AFAP1: variants seen among roughly 807,000 people sequenced by gnomAD.
The protein encoded by AFAP1 is actin filament-associated protein 1.
Under a neutral mutation model 93.9 loss-of-function variants are expected in AFAP1, and 75 were observed. The ratio of observed to expected loss-of-function variants is 0.80; its 90% CI spans 0.66 to 0.97. The LOEUF (loss-of-function observed/expected upper bound fraction) is 0.97. Ranked by LOEUF, AFAP1 falls within the 50% of genes least tolerant of loss-of-function variation. The pLI is 0.00. For synonymous variants in AFAP1, 517 were observed against 430.7 expected (o/e 1.20, Z -2.48); for missense variants, 1,201 against 1,050.8 (o/e 1.14, Z -1.98).
intron 6 of AFAP1, among the ~76,000 whole-genome samples, chr4:7,825,700 A>T (rs549452514): frequency 7.9e-5 from 12 of 152,338 alleles, no homozygotes; most frequent in Admixed American, 7.8e-4. Flanking sequence ...CAGCAAATTA[A>T]GCTAAAAAAA....
intron 4 of AFAP1, among the ~76,000 whole-genome samples, chr4:7,852,039 G>C (rs547551162): frequency 1.3e-5 from 2 of 152,298 alleles, no homozygotes; most frequent in Admixed American, 1.3e-4. Context: ...CCAGCACGCT[G>C]AAGTCACTTA....
At chr4:7,841,493 T>C (rs1713010326) in intron 5 of AFAP1, among the ~76,000 whole-genome samples, 1 of 152,150 alleles carries the variant, frequency 6.6e-6, no homozygotes, top group South Asian at 2.1e-4. Flanking sequence ...AGGAACAAGT[T>C]CCAGAAGGAG....
chr4:7,792,305 T>G (rs1717933153), intron 11 of AFAP1, among the ~76,000 whole-genome samples: 1 of 152,178 alleles, frequency 6.6e-6, no homozygotes, highest in Non-Finnish European at 1.5e-5. Context: ...GCATGACTTC[T>G]GCCGATCTTT....
At chr4:7,841,159 A>C (rs1168647587) in intron 5 of AFAP1, among the ~76,000 whole-genome samples, 1 of 152,208 alleles carries the variant, frequency 6.6e-6, no homozygotes, top group South Asian at 2.1e-4. Flanking sequence ...GGCGTCCTGA[A>C]GACAACACCA....
At chr4:7,775,480 C>T (rs190656174) in intron 14 of AFAP1, 2 of 152,690 alleles carry the variant, frequency 1.3e-5, no homozygotes, top group Non-Finnish European at 2.9e-5. Flanking sequence ...GCTTCCTTCT[C>T]TACGTCTTCA....
At chr4:7,824,713 A>G (rs2149081717) in intron 6 of AFAP1, among the ~76,000 whole-genome samples, 1 of 152,248 alleles carries the variant, frequency 6.6e-6, no homozygotes, top group South Asian at 2.1e-4. Flanking sequence ...ACGTGAATGG[A>G]GAGTGGAGAA....
At chr4:7,938,442 G>C (rs1457986348) in intron 1 of AFAP1, among the ~76,000 whole-genome samples, 1 of 152,132 alleles carries the variant, frequency 6.6e-6, no homozygotes, top group African/African-American at 2.4e-5. Flanking sequence ...TCAAAAGTTT[G>C]ATGAAAGCAT....
At chr4:7,907,324 C>T (rs1238842704) in intron 1 of AFAP1, among the ~76,000 whole-genome samples, 5 of 152,180 alleles carry the variant, frequency 3.3e-5, no homozygotes, top group African/African-American at 4.8e-5. Context: ...TAGGCTGCAA[C>T]GTCCCTGTAA....
intron 8 of AFAP1, 139 bp downstream of exon 8, chr4:7,815,879 C>G: frequency 1.5e-6 from 1 of 682,936 alleles, no homozygotes; most frequent in Non-Finnish European, 2.4e-6. Context: ...TCAGTATCCT[C>G]TGCCATGATG....
chr4:7,933,650 C>G (rs1003916830), intron 1 of AFAP1, among the ~76,000 whole-genome samples: 1 of 152,220 alleles, frequency 6.6e-6, no homozygotes, highest in African/African-American at 2.4e-5. Flanking sequence ...ATTGGAGGGC[C>G]TGACCAGGTC....
At position 7,876,720 on chromosome 4, in the gene AFAP1, A is replaced by G. The variant is rs538607042; in HGVS notation, c.-2-4640T>C. 2.0e-5 allele frequency among the ~76,000 whole-genome samples: 3 copies of G among 152,360 alleles called. No homozygotes were observed. In the South Asian group the frequency reaches 6.2e-4, roughly 32 times the overall value. ...TTGAATTCCAAGAAATATTTGTATCATTCTAATAAATTTTCATTTCATTGT... is the reference window on the plus strand; with the variant it reads ...TTGAATTCCAAGAAATATTTGTATCGTTCTAATAAATTTTCATTTCATTGT... On this transcript the variant is annotated intron_variant, in intron 1 of 17. Coordinates refer to ENST00000420658, the MANE Select transcript of AFAP1 (RefSeq NM_001134647.2).
rs1038407534 is a variant in AFAP1, at chr4:7,763,411, GGAA to G, written c.*351_*353del. On this transcript the variant is annotated 3_prime_UTR_variant, in exon 18 of 18. Coordinates refer to ENST00000420658, the MANE Select transcript of AFAP1 (RefSeq NM_001134647.2). Reference sequence around the variant, plus strand: ...TCCAGGTTTTCATCTGGGGGCTCATGGAACCATCCATCCTCAGTCCAGGGCTGG... The same window carrying G: ...TCCAGGTTTTCATCTGGGGGCTCATGCCATCCATCCTCAGTCCAGGGCTGG... 4 of 230,792 alleles carry G rather than the reference GGAA, an allele frequency of 1.7e-5. No homozygotes were observed. The highest frequency in any genetic ancestry group is 3.4e-5 in the Non-Finnish European group (4 of 119,370). The allele number at this position is 230,792 out of a possible 1,614,324, so 14.3% of individuals were successfully genotyped here.
At position 7,872,067 on chromosome 4, in the gene AFAP1, T is replaced by C. The variant is rs769000108; in HGVS notation, c.12A>G (p.Leu4=). The C allele has an allele frequency of 4.3e-6, 7 of 1,613,776 alleles. No homozygotes were observed. Among genetic ancestry groups the C allele is most frequent in the Non-Finnish European group, 5.9e-6 (7 of 1,179,928 alleles). The change falls in exon 2 of 18, where the codon TTA becomes TTG. Residue 4 remains leucine, a synonymous_variant. Transcript: ENST00000420658. MEE[L]IVELRLFLEL... is the part of the protein sequence containing the mutation. ...CAAGAAAGAGACGAAGTTCAACTAT[T>C]AACTCTTCCATTGCTGACAACAAAA... is the stretch of plus-strand genomic sequence containing the variant.
intron 5 of AFAP1, among the ~76,000 whole-genome samples, chr4:7,839,072 C>T (rs1221405189): frequency 6.6e-6 from 1 of 152,180 alleles, no homozygotes; most frequent in Admixed American, 6.5e-5. Flanking sequence ...CGATGGCTCA[C>T]GCCTGTAATC....
At position 7,802,639 on chromosome 4, in the gene AFAP1, CTTTTT is replaced by C. The variant is rs60126839; in HGVS notation, c.1055-1991_1055-1987del. 4.6e-3 allele frequency among the ~76,000 whole-genome samples: 583 copies of C among 127,892 alleles called. 5 individuals carry two copies. Among genetic ancestry groups the C allele is most frequent in the African/African-American group, 0.016 (548 of 34,404 alleles). The allele number at this position is 127,892 out of a possible 152,430, so 83.9% of individuals were successfully genotyped here. On this transcript the variant is annotated intron_variant, in intron 9 of 17. Transcript: ENST00000420658. The stretch of plus-strand genomic sequence containing the variant: ...ATGATGTAGTTCCAATACATTTATT[CTTTTT>C]TTTTTTTTTTTTTTGAGACAGGAGT...
chr4:7,792,595 G>A (rs1218695317), intron 11 of AFAP1, among the ~76,000 whole-genome samples: 1 of 151,636 alleles, frequency 6.6e-6, no homozygotes, highest in Admixed American at 6.6e-5. Context: ...GCTTTTTAAA[G>A]TAAAAATAAA....
chr4:7,933,082 T>C (rs921909317), intron 1 of AFAP1, among the ~76,000 whole-genome samples: 9 of 132,976 alleles, frequency 6.8e-5, no homozygotes, highest in Admixed American at 2.3e-4. Flanking sequence ...CAAAAAAAAA[T>C]TGGTATCTGT....
chr4:7,790,157 T>G (rs1396924024), intron 11 of AFAP1, among the ~76,000 whole-genome samples: 1 of 152,206 alleles, frequency 6.6e-6, no homozygotes, highest in East Asian at 1.9e-4. Flanking sequence ...AGAATATTCA[T>G]CACACTGGCA....
intron 7 of AFAP1, among the ~76,000 whole-genome samples, chr4:7,818,590 T>A (rs546572563): frequency 6.6e-6 from 1 of 152,158 alleles, no homozygotes; most frequent in Non-Finnish European, 1.5e-5. Context: ...ATGGGCTCCA[T>A]ACATTTCTGG....
Sources: gnomAD v4.1 joint callset for allele counts (sites outside exome capture counted in the v4.1 genomes callset) on GRCh38, gnomAD v4.1.1 for gene constraint, MANE v1.5 for transcripts, NCBI Gene and HGNC (gene_info 2026-07-23, HGNC 2026-07-21) for gene names.